The following NDUFA8 variants were observed in gnomAD, a reference collection of about 807,000 sequenced individuals.
NDUFA8 encodes NADH:ubiquinone oxidoreductase subunit A8, also known as NADH dehydrogenase [ubiquinone] 1 alpha subcomplex subunit 8.
Under a neutral mutation model 20.9 loss-of-function variants are expected in NDUFA8, and 16 were observed. That is an observed-to-expected ratio of 0.77 (90% CI 0.52 to 1.16). The LOEUF is 1.16. Among genes scored for constraint, NDUFA8 ranks in the 50% most tolerant of loss-of-function variants. The pLI is 0.00. For synonymous variants in NDUFA8, 70 were observed against 76.1 expected (o/e 0.92, Z 0.41); for missense variants, 202 against 216.4 (o/e 0.93, Z 0.42).
chr9:122,159,590 C>T, intron 1 of NDUFA8, 37 bp downstream of exon 1: 1 of 1,613,574 alleles, frequency 6.2e-7, no homozygotes, highest in Non-Finnish European at 8.5e-7. Flanking sequence ...AAGCCGCAGC[C>T]CCATGTCTCC....
the NDUFA8 span, among the ~76,000 whole-genome samples, chr9:122,133,854 T>A: frequency 6.6e-6 from 1 of 152,294 alleles, no homozygotes; most frequent in East Asian, 1.9e-4. Flanking sequence ...CTTCAAACAA[T>A]AGCGCTGTCA....
At chr9:122,150,156 C>T (rs541533447) in intron 2 of NDUFA8, among the ~76,000 whole-genome samples, 1 of 152,182 alleles carries the variant, frequency 6.6e-6, no homozygotes, top group East Asian at 1.9e-4. Context: ...GGCACGGTGG[C>T]TCACGCTTGT....
At chr9:122,140,842 G>C (rs1828808394), downstream of NDUFA8, among the ~76,000 whole-genome samples, 1 of 152,086 alleles carries the variant, frequency 6.6e-6, no homozygotes, top group Non-Finnish European at 1.5e-5. Flanking sequence ...GGACTATAAG[G>C]TACAGAAAGG....
chr9:122,156,920 T>C (rs1829084608), intron 1 of NDUFA8, among the ~76,000 whole-genome samples: 1 of 152,208 alleles, frequency 6.6e-6, no homozygotes, highest in Non-Finnish European at 1.5e-5. Context: ...TTTTTCTTTC[T>C]TCAATCCATT....
intron 1 of NDUFA8, among the ~76,000 whole-genome samples, chr9:122,156,462 T>C (rs1009024947): frequency 1.1e-4 from 16 of 152,224 alleles, no homozygotes; most frequent in African/African-American, 3.1e-4. Context: ...AGAACTGTTA[T>C]GAAGATTAAA....
Position 122,159,615 on chromosome 9 carries a change from G to C in NDUFA8, c.51+12C>G. 6.2e-7 allele frequency: 1 copy of C among 1,614,094 alleles called. No homozygotes were observed. Among genetic ancestry groups the C allele is most frequent in the African/African-American group, 1.3e-5 (1 of 75,040 alleles). ...CCCATGTCTCCCTTGCCTGTCCTCC[G>C]GATAGCCTCACCTCATCTACTTTCA... On this transcript the variant is annotated intron_variant, in intron 1 of 3. Coordinates refer to ENST00000373768, the MANE Select transcript of NDUFA8 (RefSeq NM_014222.3).
chr9:122,153,804 T>C (rs1329557260), intron 1 of NDUFA8, among the ~76,000 whole-genome samples: 1 of 152,374 alleles, frequency 6.6e-6, no homozygotes, highest in Admixed American at 6.5e-5. Flanking sequence ...ATTCAAATTG[T>C]ATTAAATTTA....
At chr9:122,143,119 C>T (rs977930954), downstream of NDUFA8, among the ~76,000 whole-genome samples, 1 of 152,140 alleles carries the variant, frequency 6.6e-6, no homozygotes, top group Non-Finnish European at 1.5e-5. Context: ...CGTCAGGCAA[C>T]AGACCCTGCA....
chr9:122,155,549 A>C (rs957127971), intron 1 of NDUFA8, among the ~76,000 whole-genome samples: 6 of 152,236 alleles, frequency 3.9e-5, no homozygotes, highest in Non-Finnish European at 1.5e-5. Context: ...CATAAGTGAA[A>C]TCTGCCATGA....
At chr9:122,154,115 A>C (rs1170785043) in intron 1 of NDUFA8, among the ~76,000 whole-genome samples, 1 of 152,244 alleles carries the variant, frequency 6.6e-6, no homozygotes, top group African/African-American at 2.4e-5. Flanking sequence ...ATAAGCTCCC[A>C]GAGGGAAGGG....
Position 122,159,748 on chromosome 9 carries a change from C to A in NDUFA8, c.-71G>T, listed in dbSNP as rs375652986. On this transcript the variant is annotated 5_prime_UTR_variant, in exon 1 of 4. Coordinates refer to ENST00000373768, the MANE Select transcript of NDUFA8 (RefSeq NM_014222.3). ...CCCCCGTCTCCTTGAACTCCCCTTT[C>A]GACCGCCGAGTGCCACACGGCGCCT... is the stretch of plus-strand genomic sequence containing the variant. 2 of 1,608,426 alleles carry A rather than the reference C, an allele frequency of 1.2e-6. No individual in the cohort carries two copies. The highest frequency in any genetic ancestry group is 1.3e-5 in the African/African-American group (1 of 74,856).
At chr9:122,151,750 C>T (rs1314866212) in intron 2 of NDUFA8, among the ~76,000 whole-genome samples, 2 of 152,128 alleles carry the variant, frequency 1.3e-5, no homozygotes, top group Non-Finnish European at 2.9e-5. Flanking sequence ...TGCTAATATG[C>T]TTGTTAAAAC....
At chr9:122,146,835 G>A (rs1209829711) in intron 3 of NDUFA8, among the ~76,000 whole-genome samples, 1 of 152,250 alleles carries the variant, frequency 6.6e-6, no homozygotes, top group Non-Finnish European at 1.5e-5. Context: ...AGTCAAGGCT[G>A]CAGTGAGCTG....
downstream of NDUFA8, among the ~76,000 whole-genome samples, chr9:122,141,725 T>A (rs1220658945): frequency 1.3e-5 from 2 of 152,222 alleles, no homozygotes; most frequent in African/African-American, 4.8e-5. Flanking sequence ...GCTTTCCAAT[T>A]GTTCTGTGAC....
At chr9:122,143,954 T>TAAAGC, downstream of NDUFA8, 1 of 837,760 alleles carries the variant, frequency 1.2e-6, no homozygotes, top group Non-Finnish European at 1.6e-6. Context: ...AGCGAGTGCC[T>TAAAGC]AAAGCAAAGC....
At chr9:122,159,499 G>A in intron 1 of NDUFA8, 128 bp downstream of exon 1, 2 of 1,137,494 alleles carry the variant, frequency 1.8e-6, no homozygotes, top group Non-Finnish European at 2.7e-6. Context: ...GGGTCGACCT[G>A]TATATGCGTT....
At position 122,158,982 on chromosome 9, in the gene NDUFA8, A is replaced by G. The variant is rs188785902; in HGVS notation, c.51+645T>C. 2.0e-5 allele frequency among the ~76,000 whole-genome samples: 3 copies of G among 152,212 alleles called. 1 individual carries two copies. Among genetic ancestry groups the G allele is most frequent in the Admixed American group, 2.0e-4 (3 of 15,294 alleles). On this transcript the variant is annotated intron_variant, in intron 1 of 3. Transcript: ENST00000373768. ...ACAGCACTAACTACATTGTACTGTG[A>G]CTGCCTCTTTATGTGTCTGTCTCCC...
At chr9:122,136,555 G>A in the NDUFA8 span, among the ~76,000 whole-genome samples, 1 of 151,076 alleles carries the variant, frequency 6.6e-6, no homozygotes, top group Non-Finnish European at 1.5e-5. Flanking sequence ...CATAGCGTTC[G>A]TAGATTTTTT....
chr9:122,157,808 C>T (rs1829096756), intron 1 of NDUFA8, among the ~76,000 whole-genome samples: 1 of 152,206 alleles, frequency 6.6e-6, no homozygotes, highest in South Asian at 2.1e-4. Flanking sequence ...AGGAAAATAA[C>T]AGTTGCCACT....
Sources: allele counts gnomAD v4.1 joint callset (sites outside exome capture counted in the v4.1 genomes callset), GRCh38; gene constraint gnomAD v4.1.1; transcripts MANE v1.5; gene names NCBI Gene and HGNC (gene_info 2026-07-23, HGNC 2026-07-21).